DLG2: variants seen among roughly 807,000 people sequenced by gnomAD.
DLG2 encodes disks large homolog 2.
A neutral mutation model predicts 132.5 loss-of-function variants in DLG2; 45 were observed. The observed-to-expected ratio is 0.34, with a 90% CI of 0.27 to 0.44. The LOEUF is 0.44. DLG2 is among the 20% of genes least tolerant of loss of function. The pLI is 1.00. For synonymous variants in DLG2, 424 were observed against 419.6 expected (o/e 1.01, Z -0.13); for missense variants, 1,045 against 1,196.9 (o/e 0.87, Z 1.87).
At chr11:85,099,424 A>T (rs1047010086) in intron 6 of DLG2, among the ~76,000 whole-genome samples, 7 of 152,190 alleles carry the variant, frequency 4.6e-5, no homozygotes, top group Non-Finnish European at 1.0e-4. Context: ...CACATTAACA[A>T]CATCTCTTTG....
intron 18 of DLG2, among the ~76,000 whole-genome samples, chr11:83,745,674 C>T (rs986226433): frequency 1.4e-4 from 22 of 151,910 alleles, no homozygotes; most frequent in African/African-American, 5.3e-4. Context: ...TGGTGGCATG[C>T]ACCTGTAGTC....
intron 3 of DLG2, among the ~76,000 whole-genome samples, chr11:85,504,410 C>T (rs1247881342): frequency 6.6e-6 from 1 of 152,166 alleles, no homozygotes; most frequent in Non-Finnish European, 1.5e-5. Flanking sequence ...GGGAGGGATC[C>T]AGTTTCAGCT....
intron 18 of DLG2, among the ~76,000 whole-genome samples, chr11:83,716,151 A>C (rs760919223): frequency 9.2e-5 from 14 of 152,164 alleles, no homozygotes; most frequent in Non-Finnish European, 2.1e-4. Context: ...TGAGAGTCCT[A>C]ACTCCAAAGG....
At chr11:83,940,369 TAAC>T (rs1299594115) in intron 14 of DLG2, among the ~76,000 whole-genome samples, 1 of 152,218 alleles carries the variant, frequency 6.6e-6, no homozygotes, top group African/African-American at 2.4e-5. Flanking sequence ...TAAATAATAA[TAAC>T]AACTCACATA....
chr11:84,231,182 T>C (rs2097088178), intron 8 of DLG2, among the ~76,000 whole-genome samples: 2 of 152,164 alleles, frequency 1.3e-5, no homozygotes, highest in Non-Finnish European at 1.5e-5. Context: ...TGAAATGTAA[T>C]ATAATGGTTG....
At chr11:83,559,297 G>C (rs544867394) in intron 19 of DLG2, among the ~76,000 whole-genome samples, 2 of 152,248 alleles carry the variant, frequency 1.3e-5, no homozygotes, top group African/African-American at 2.4e-5. Flanking sequence ...GTAGATGGAG[G>C]CCTGATCAGG....
chr11:83,740,762 C>T (rs1283351241), intron 18 of DLG2, among the ~76,000 whole-genome samples: 1 of 152,082 alleles, frequency 6.6e-6, no homozygotes, highest in Non-Finnish European at 1.5e-5. Context: ...ACACTTGTGC[C>T]ATGGAGGGAG....
intron 15 of DLG2, among the ~76,000 whole-genome samples, chr11:83,888,743 G>A (rs557320692): frequency 1.3e-5 from 2 of 152,246 alleles, no homozygotes; most frequent in South Asian, 4.2e-4. Flanking sequence ...GCATGGTACT[G>A]GTACCAAAAC....
chr11:85,000,028 C>G (rs1389974875), intron 6 of DLG2, among the ~76,000 whole-genome samples: 3 of 152,018 alleles, frequency 2.0e-5, no homozygotes, highest in Non-Finnish European at 4.4e-5. Context: ...GCTCTTATTC[C>G]TGTTAACTGA....
intron 3 of DLG2, chr11:85,286,278 G>T: frequency 3.6e-6 from 1 of 277,906 alleles, no homozygotes; most frequent in Non-Finnish European, 7.0e-6. Context: ...TGGGAGCCAA[G>T]TTTCTTACTG....
chr11:84,276,642 T>C (rs1033706015), intron 7 of DLG2, among the ~76,000 whole-genome samples: 3 of 152,018 alleles, frequency 2.0e-5, no homozygotes, highest in Non-Finnish European at 4.4e-5. Flanking sequence ...ATTGCTACCA[T>C]TTTTTTTCCA....
intron 11 of DLG2, among the ~76,000 whole-genome samples, chr11:84,025,720 A>G (rs1024915217): frequency 5.3e-5 from 8 of 152,158 alleles, no homozygotes; most frequent in African/African-American, 1.2e-4. Flanking sequence ...AGTATTTATA[A>G]CTGACTTTTC....
intron 6 of DLG2, among the ~76,000 whole-genome samples, chr11:84,960,218 C>T (rs1033626391): frequency 5.3e-5 from 8 of 151,990 alleles, no homozygotes; most frequent in African/African-American, 9.7e-5. Flanking sequence ...GTCTTTTATT[C>T]GCCCATAAAG....
intron 19 of DLG2, among the ~76,000 whole-genome samples, chr11:83,543,878 A>G (rs1466650552): frequency 6.6e-6 from 1 of 152,070 alleles, no homozygotes; most frequent in Non-Finnish European, 1.5e-5. Context: ...TGACATCTGG[A>G]AAGTTAGATT....
chr11:84,114,924 C>T (rs1176563677), intron 9 of DLG2, among the ~76,000 whole-genome samples: 1 of 151,810 alleles, frequency 6.6e-6, no homozygotes, highest in African/African-American at 2.4e-5. Context: ...GCCACCTCAG[C>T]TTCCTAAAAT....
chr11:84,903,839 C>T (rs947048568), intron 6 of DLG2, among the ~76,000 whole-genome samples: 1 of 152,082 alleles, frequency 6.6e-6, no homozygotes, highest in African/African-American at 2.4e-5. Context: ...AGGCAAGTTA[C>T]ATCCACCTCA....
intron 18 of DLG2, among the ~76,000 whole-genome samples, chr11:83,777,802 G>A (rs1192297944): frequency 6.6e-6 from 1 of 152,146 alleles, no homozygotes; most frequent in East Asian, 1.9e-4. Flanking sequence ...GGGAAAAAAG[G>A]AAACATTTAG....
At chr11:85,344,888 A>T (rs2082724305) in intron 3 of DLG2, among the ~76,000 whole-genome samples, 1 of 152,136 alleles carries the variant, frequency 6.6e-6, no homozygotes, top group African/African-American at 2.4e-5. Context: ...TAGAGAAAAT[A>T]AAAAGTTGAT....
At chr11:85,131,007 G>A (rs1051503938) in intron 5 of DLG2, among the ~76,000 whole-genome samples, 1 of 151,874 alleles carries the variant, frequency 6.6e-6, no homozygotes, top group Non-Finnish European at 1.5e-5. Flanking sequence ...ATATAACTAA[G>A]AAAATGAAAT....
Sources: gnomAD v4.1 joint callset for allele counts (sites outside exome capture counted in the v4.1 genomes callset) on GRCh38, gnomAD v4.1.1 for gene constraint, MANE v1.5 for transcripts, NCBI Gene and HGNC (gene_info 2026-07-23, HGNC 2026-07-21) for gene names.